ARHGAP29: variants seen among roughly 807,000 people sequenced by gnomAD.
The protein encoded by ARHGAP29 is Rho GTPase activating protein 29, also known as rho GTPase-activating protein 29.
Under a neutral mutation model 122.6 loss-of-function variants are expected in ARHGAP29, and 43 were observed. The ratio of observed to expected loss-of-function variants is 0.35; its 90% confidence interval spans 0.27 to 0.45. The LOEUF (loss-of-function observed/expected upper bound fraction) is 0.45. ARHGAP29 is among the 20% of genes least tolerant of loss of function. ARHGAP29 has a pLI of 1.00. For missense variants in ARHGAP29, 1,303 were observed against 1,477.2 expected (o/e 0.88, Z 1.93); for synonymous variants, 506 against 497.1 (o/e 1.02, Z -0.24).
At chr1:94,184,571 A>C (rs1242959534) in intron 18 of ARHGAP29, among the ~76,000 whole-genome samples, 1 of 151,832 alleles carries the variant, frequency 6.6e-6, no homozygotes, top group Admixed American at 6.6e-5. Flanking sequence ...TAAGGAGACC[A>C]CATCTCTACA....
the ARHGAP29 span, among the ~76,000 whole-genome samples, chr1:94,300,439 T>G: frequency 6.6e-6 from 1 of 152,180 alleles, no homozygotes; most frequent in East Asian, 1.9e-4. Flanking sequence ...GAATAACACC[T>G]CTGGTTTCCA....
chr1:94,251,706 A>G (rs760596665), intron 1 of ARHGAP29, among the ~76,000 whole-genome samples: 5 of 152,030 alleles, frequency 3.3e-5, no homozygotes, highest in Non-Finnish European at 7.4e-5. Context: ...CCATACATCT[A>G]CGTGACTTGT....
chr1:94,244,491 AT>A (rs1189022949), intron 1 of ARHGAP29, among the ~76,000 whole-genome samples: 1 of 88,262 alleles, frequency 1.1e-5, no homozygotes, highest in Non-Finnish European at 2.6e-5. Flanking sequence ...GATAAAGGGC[AT>A]CTACAAAAAA....
At chr1:94,302,474 C>T in the ARHGAP29 span, 2 of 355,236 alleles carry the variant, frequency 5.6e-6, no homozygotes, top group Admixed American at 3.4e-5. Flanking sequence ...GCCTCCTGCA[C>T]CACCAGCTGC....
chr1:94,204,040 T>G, intron 7 of ARHGAP29, 46 bp from the exon 8 acceptor site: 2 of 1,507,164 alleles, frequency 1.3e-6, no homozygotes, highest in Non-Finnish European at 1.8e-6. Context: ...CAATTTATTT[T>G]TCCCCCTGTA....
intron 7 of ARHGAP29, 81 bp from the exon 8 acceptor site, chr1:94,204,075 TCCACAA>T: frequency 3.1e-5 from 34 of 1,090,092 alleles, no homozygotes; most frequent in Non-Finnish European, 4.4e-5. Context: ...TTGTAGTAAT[TCCACAA>T]TTAAGAAGTG....
intron 22 of ARHGAP29, among the ~76,000 whole-genome samples, 154 bp from the exon 23 acceptor site, chr1:94,174,903 T>C (rs1029842682): frequency 5.9e-5 from 9 of 152,184 alleles, no homozygotes; most frequent in Non-Finnish European, 8.8e-5. Flanking sequence ...AGTTAAACAT[T>C]TGCACAGTAT....
intron 12 of ARHGAP29, among the ~76,000 whole-genome samples, chr1:94,197,073 C>T (rs977961925): frequency 2.0e-5 from 3 of 151,860 alleles, no homozygotes; most frequent in East Asian, 3.9e-4. Flanking sequence ...AAACTAAATG[C>T]TATTTCTTTT....
intron 1 of ARHGAP29, among the ~76,000 whole-genome samples, chr1:94,263,904 A>C (rs1300155458): frequency 6.6e-6 from 1 of 152,156 alleles, no homozygotes; most frequent in East Asian, 1.9e-4. Context: ...GAAGTTCCTT[A>C]CTTTAGCCAG....
intron 2 of ARHGAP29, among the ~76,000 whole-genome samples, chr1:94,223,945 T>G (rs923995719): frequency 6.6e-6 from 1 of 152,062 alleles, no homozygotes; most frequent in Admixed American, 6.6e-5. Context: ...GTAGCTAGGA[T>G]TACAGGTGCT....
chr1:94,263,233 G>A lies in ARHGAP29; in HGVS notation c.-33+11779C>T, dbSNP rs185817339. Among the ~76,000 whole-genome samples, 723 of 152,210 alleles carry A rather than the reference G, an allele frequency of 4.8e-3. 4 individuals carry two copies. The highest frequency in any genetic ancestry group is 7.0e-3 in the Non-Finnish European group (477 of 67,990). On this transcript the variant is annotated intron_variant and NMD_transcript_variant, in intron 1 of 25. Transcript: ENST00000552844. ...ACATAGAGGAAAACAACAGACACAG[G>A]AGCCTATTGGAGGGTGGAAGTTGAG...
At chr1:94,305,111 C>G in the ARHGAP29 span, among the ~76,000 whole-genome samples, 1 of 152,234 alleles carries the variant, frequency 6.6e-6, no homozygotes, top group African/African-American at 2.4e-5. Flanking sequence ...TACATTGGTA[C>G]TGAAAATGTT....
the ARHGAP29 span, among the ~76,000 whole-genome samples, chr1:94,287,771 GAT>G: frequency 1.4e-5 from 2 of 145,224 alleles, no homozygotes; most frequent in Admixed American, 1.4e-4. Context: ...CTGTCCTTGT[GAT>G]AGTTTGCTGA....
intron 15 of ARHGAP29, among the ~76,000 whole-genome samples, chr1:94,186,949 C>T (rs369669975): frequency 6.6e-6 from 1 of 152,246 alleles, no homozygotes; most frequent in East Asian, 1.9e-4. Context: ...GAGTAGCTGG[C>T]ACAACAGTAA....
At chr1:94,236,417 G>A (rs1305882623) in intron 1 of ARHGAP29, among the ~76,000 whole-genome samples, 1 of 152,098 alleles carries the variant, frequency 6.6e-6, no homozygotes. Context: ...AGGGAAGAAT[G>A]GAGCAACCAA....
upstream of ARHGAP29, among the ~76,000 whole-genome samples, chr1:94,277,184 A>G (rs996958632): frequency 6.6e-6 from 1 of 152,218 alleles, no homozygotes; most frequent in Non-Finnish European, 1.5e-5. Context: ...AACATTGAAT[A>G]TGGGTTCTCT....
At chr1:94,311,378 T>C in the ARHGAP29 span, among the ~76,000 whole-genome samples, 1 of 152,160 alleles carries the variant, frequency 6.6e-6, no homozygotes, top group Non-Finnish European at 1.5e-5. Flanking sequence ...TCTCTCTCTC[T>C]TTCTCTCTTG....
At chr1:94,246,476 T>G (rs1480204087) in intron 1 of ARHGAP29, among the ~76,000 whole-genome samples, 1 of 152,146 alleles carries the variant, frequency 6.6e-6, no homozygotes, top group Admixed American at 6.5e-5. Context: ...CTTAGAACTT[T>G]CATAAAACAT....
chr1:94,265,786 G>T (rs1654747533), intron 1 of ARHGAP29, among the ~76,000 whole-genome samples: 1 of 152,180 alleles, frequency 6.6e-6, no homozygotes, highest in Admixed American at 6.5e-5. Context: ...CTTCAAGGGT[G>T]GGGGTGACTG....
Sources: allele counts gnomAD v4.1 joint callset (sites outside exome capture counted in the v4.1 genomes callset), GRCh38; gene constraint gnomAD v4.1.1; transcripts MANE v1.5; gene names NCBI Gene and HGNC (gene_info 2026-07-23, HGNC 2026-07-21).